Variants in DCDC2 observed in about 807,000 individuals in gnomAD.
DCDC2 encodes doublecortin domain containing 2.
In DCDC2, 40 loss-of-function variants were observed where a neutral mutation model predicts 50.2. The ratio of observed to expected loss-of-function variants is 0.80; its 90% CI spans 0.62 to 1.04. The LOEUF (loss-of-function observed/expected upper bound fraction) is 1.04, where lower values mean the gene tolerates loss of function less well. Ranked by LOEUF, DCDC2 falls within the 50% of genes least tolerant of loss-of-function variation. The pLI is 0.00. For missense variants in DCDC2, 570 were observed against 581.9 expected, an observed-to-expected ratio of 0.98 and a Z score of 0.21; for synonymous variants, 234 against 210.6, an observed-to-expected ratio of 1.11 and a Z score of -0.96.
intron 7 of DCDC2, among the ~76,000 whole-genome samples, chr6:24,224,148 CCG>C (rs1762176793): frequency 6.6e-6 from 1 of 152,196 alleles, no homozygotes; most frequent in African/African-American, 2.4e-5. Context: ...CCAGAGTTCA[CCG>C]GGAATGGGCT....
chr6:24,180,430 G>T (rs982401673), intron 8 of DCDC2, among the ~76,000 whole-genome samples: 1 of 151,744 alleles, frequency 6.6e-6, no homozygotes, highest in African/African-American at 2.4e-5. Context: ...GACTACAGGC[G>T]CCCGCCACCA....
At chr6:24,305,241 T>C (rs1006028629) in intron 2 of DCDC2, among the ~76,000 whole-genome samples, 1 of 152,214 alleles carries the variant, frequency 6.6e-6, no homozygotes, top group Non-Finnish European at 1.5e-5. Flanking sequence ...AACCATCTGT[T>C]TTAAATAATA....
chr6:24,289,968 C>CTTTTTTTTTT (rs1561760462), intron 5 of DCDC2, among the ~76,000 whole-genome samples: 1 of 100,814 alleles, frequency 9.9e-6, no homozygotes, highest in African/African-American at 3.7e-5. Flanking sequence ...GGCCAGAGCT[C>CTTTTTTTTTT]TTCTTTTTTT....
chr6:24,329,719 T>C (rs542797893), intron 2 of DCDC2, among the ~76,000 whole-genome samples: 17 of 152,306 alleles, frequency 1.1e-4, no homozygotes, highest in African/African-American at 3.1e-4. Context: ...AAGGAATCCA[T>C]GAGATGACAC....
At chr6:24,185,664 G>A (rs929738277) in intron 8 of DCDC2, among the ~76,000 whole-genome samples, 1 of 146,908 alleles carries the variant, frequency 6.8e-6, no homozygotes, top group Non-Finnish European at 1.5e-5. Context: ...AAGGAACACC[G>A]GGTTTTACAC....
chr6:24,218,353 A>G (rs553004437), intron 7 of DCDC2, among the ~76,000 whole-genome samples: 29 of 152,244 alleles, frequency 1.9e-4, no homozygotes, highest in Non-Finnish European at 4.1e-4. Flanking sequence ...TTGCTCCAAC[A>G]ACAGATATTG....
rs1759379922 is a variant in DCDC2 at position 24,301,777 on chromosome 6, C to T, written c.495G>A (p.Gln165=). 5.0e-6 allele frequency: 8 copies of T among 1,614,192 alleles called. No individual in the cohort carries two copies. In the South Asian group the frequency reaches 8.8e-5, roughly 18 times the overall value. Residue 165 remains glutamine, a synonymous_variant, in exon 4 of 10, where the codon CAG becomes CAA. Transcript: ENST00000378454. The part of the protein sequence containing the change: ...RLLIPRKTLN[Q]WDHVLQMVTE... ...TGACCATTTGTAGTACATGATCCCACTGATTCAAGGTTTTTCTGGGGATAA... is the reference window on the plus strand; with the variant it reads ...TGACCATTTGTAGTACATGATCCCATTGATTCAAGGTTTTTCTGGGGATAA...
intron 7 of DCDC2, among the ~76,000 whole-genome samples, chr6:24,235,391 G>C (rs1254865739): frequency 6.6e-6 from 1 of 152,150 alleles, no homozygotes; most frequent in African/African-American, 2.4e-5. Flanking sequence ...AGATGTAAAA[G>C]TTCTCAGCAA....
the DCDC2 span, among the ~76,000 whole-genome samples, chr6:24,372,222 C>T: frequency 6.6e-6 from 1 of 152,144 alleles, no homozygotes; most frequent in African/African-American, 2.4e-5. Flanking sequence ...GAGATTGAGA[C>T]CATCCTGGCT....
intron 8 of DCDC2, among the ~76,000 whole-genome samples, chr6:24,179,343 C>A (rs528027777): frequency 7.0e-6 from 1 of 143,050 alleles, no homozygotes; most frequent in Non-Finnish European, 1.5e-5. Context: ...GTCAGGAGAT[C>A]GAGACCATCC....
chr6:24,192,568 G>C (rs1189118035), intron 8 of DCDC2, among the ~76,000 whole-genome samples: 2 of 152,120 alleles, frequency 1.3e-5, no homozygotes, highest in Non-Finnish European at 2.9e-5. Context: ...TCAATCCTCA[G>C]AGAAGAGGGA....
intron 7 of DCDC2, among the ~76,000 whole-genome samples, chr6:24,263,478 G>A (rs1763054944): frequency 6.6e-6 from 1 of 152,090 alleles, no homozygotes; most frequent in African/African-American, 2.4e-5. Flanking sequence ...CAAGCCCAAT[G>A]AAATTCAAGA....
intron 8 of DCDC2, among the ~76,000 whole-genome samples, chr6:24,193,292 A>G (rs1425519541): frequency 6.6e-6 from 1 of 152,178 alleles, no homozygotes; most frequent in Non-Finnish European, 1.5e-5. Context: ...AGAGGAAGAC[A>G]TAGAATCCAA....
the DCDC2 span, among the ~76,000 whole-genome samples, chr6:24,382,007 G>GGAAA: frequency 1.5e-5 from 2 of 130,908 alleles, no homozygotes; most frequent in African/African-American, 8.4e-5. Flanking sequence ...AAGGAAGGAA[G>GGAAA]GAAGGCAGGC....
At chr6:24,325,410 T>G (rs368228478) in intron 2 of DCDC2, among the ~76,000 whole-genome samples, 117 of 149,626 alleles carry the variant, frequency 7.8e-4, no homozygotes, top group African/African-American at 2.7e-3. Context: ...AAGAATAACC[T>G]AGATCTTGGC....
chr6:24,204,242 G>T (rs557382206), intron 8 of DCDC2, among the ~76,000 whole-genome samples: 1 of 152,188 alleles, frequency 6.6e-6, no homozygotes, highest in South Asian at 2.1e-4. Context: ...CAACCCAAAT[G>T]CCCATCAATG....
chr6:24,223,866 T>C (rs772374250), intron 7 of DCDC2, among the ~76,000 whole-genome samples: 2 of 152,212 alleles, frequency 1.3e-5, no homozygotes, highest in Non-Finnish European at 2.9e-5. Flanking sequence ...CCATTACATA[T>C]CTGAAAGGGC....
chr6:24,201,715 C>G (rs983994320), intron 8 of DCDC2, among the ~76,000 whole-genome samples: 1 of 152,118 alleles, frequency 6.6e-6, no homozygotes, highest in Non-Finnish European at 1.5e-5. Context: ...CATCCAGGAG[C>G]TGGTTTTTTG....
At chr6:24,339,434 A>G (rs978332848) in intron 2 of DCDC2, among the ~76,000 whole-genome samples, 3 of 152,174 alleles carry the variant, frequency 2.0e-5, no homozygotes, top group Non-Finnish European at 4.4e-5. Flanking sequence ...TGCCTGGCAC[A>G]TAAACTGGTG....
Sources: gnomAD v4.1 joint callset for allele counts (sites outside exome capture counted in the v4.1 genomes callset) on GRCh38, gnomAD v4.1.1 for gene constraint, MANE v1.5 for transcripts, NCBI Gene and HGNC (gene_info 2026-07-23, HGNC 2026-07-21) for gene names.